Variants in PRELID2 observed in about 807,000 individuals in gnomAD.
PRELID2 encodes PRELI domain containing 2.
A neutral mutation model predicts 28.4 loss-of-function variants in PRELID2; 25 were observed. The observed-to-expected ratio is 0.88, with a 90% CI of 0.64 to 1.23. The LOEUF (loss-of-function observed/expected upper bound fraction) is 1.23. PRELID2 is among the 50% of genes most tolerant of loss of function. The pLI is 0.00. For missense variants in PRELID2, 201 were observed against 214.4 expected, an observed-to-expected ratio of 0.94 and a Z score of 0.39; for synonymous variants, 76 against 71.6, an observed-to-expected ratio of 1.06 and a Z score of -0.31.
chr5:145,796,756 C>G (rs180811479), intron 4 of PRELID2, among the ~76,000 whole-genome samples: 1 of 152,182 alleles, frequency 6.6e-6, no homozygotes, highest in Non-Finnish European at 1.5e-5. Flanking sequence ...AAAGAATATT[C>G]ATTTCATGCT....
chr5:145,742,255 A>T (rs1040986786), intron 1 of PRELID2, among the ~76,000 whole-genome samples: 5 of 141,034 alleles, frequency 3.5e-5, no homozygotes, highest in Non-Finnish European at 3.1e-5. Context: ...ATATAAATAA[A>T]ATATATATTT....
chr5:145,817,998 A>G lies in PRELID2; in HGVS notation c.264T>C (p.Pro88=). Residue 88 remains proline (P), a synonymous_variant, in exon 4 of 7, where the codon CCT becomes CCC. Coordinates refer to ENST00000683046, the MANE Select transcript of PRELID2 (RefSeq NM_205846.3). ...TCCGTATGGCCATGTTTCTTTCCCG[A>G]GGATTGAGCCATGACTCCTCTTCTA... is the stretch of plus-strand genomic sequence containing the variant. The part of the protein sequence containing the change: ...IQLEEESWLN[P]RERNMAIRSH... 1 of 1,612,678 alleles carries G rather than the reference A, an allele frequency of 6.2e-7. No individual in the cohort carries two copies. The highest frequency in any genetic ancestry group is 8.5e-7 in the Non-Finnish European group (1 of 1,179,368).
chr5:145,454,491 T>C, the PRELID2 span, among the ~76,000 whole-genome samples: 2 of 152,194 alleles, frequency 1.3e-5, no homozygotes, highest in South Asian at 4.1e-4. Flanking sequence ...AGTCAAATTG[T>C]ACCTGTTTGC....
At chr5:145,260,364 C>T in the PRELID2 span, among the ~76,000 whole-genome samples, 4 of 152,102 alleles carry the variant, frequency 2.6e-5, no homozygotes, top group Admixed American at 1.3e-4. Context: ...AAAAAATCTA[C>T]AAAGTTGAAG....
At chr5:145,384,145 G>A in the PRELID2 span, among the ~76,000 whole-genome samples, 2 of 152,078 alleles carry the variant, frequency 1.3e-5, no homozygotes, top group Non-Finnish European at 2.9e-5. Flanking sequence ...TAAGCTACAC[G>A]AGACTGACAA....
chr5:145,697,080 T>TTTATATATAC (rs1554084240), intron 1 of PRELID2, among the ~76,000 whole-genome samples: 1 of 85,962 alleles, frequency 1.2e-5, no homozygotes, highest in African/African-American at 5.1e-5. Flanking sequence ...TATATATATA[T>TTTATATATAC]ACACACACAC....
intron 4 of PRELID2, among the ~76,000 whole-genome samples, chr5:145,811,554 G>A (rs1367169320): frequency 1.3e-5 from 2 of 152,128 alleles, no homozygotes; most frequent in African/African-American, 4.8e-5. Flanking sequence ...CAAAGTACGG[G>A]GATCATAGGT....
chr5:145,379,278 G>A, the PRELID2 span, among the ~76,000 whole-genome samples: 1 of 152,206 alleles, frequency 6.6e-6, no homozygotes, highest in African/African-American at 2.4e-5. Flanking sequence ...TCATAGTGCA[G>A]TGACAGTGGA....
chr5:145,656,339 T>A (rs1294063162), intron 1 of PRELID2, among the ~76,000 whole-genome samples: 1 of 152,170 alleles, frequency 6.6e-6, no homozygotes, highest in Non-Finnish European at 1.5e-5. Flanking sequence ...TGGAAGACAG[T>A]GTGGCAATTC....
At chr5:145,653,787 G>C (rs1054457567) in intron 1 of PRELID2, among the ~76,000 whole-genome samples, 3 of 152,188 alleles carry the variant, frequency 2.0e-5, no homozygotes, top group African/African-American at 7.2e-5. Flanking sequence ...ATGCCCACAA[G>C]AGAAAGCAGG....
chr5:145,476,155 T>C (rs1752097950), intron 1 of PRELID2, among the ~76,000 whole-genome samples: 1 of 152,244 alleles, frequency 6.6e-6, no homozygotes, highest in Non-Finnish European at 1.5e-5. Flanking sequence ...GGAATTTTCA[T>C]TTCAAATAAT....
the PRELID2 span, chr5:145,229,139 G>A: frequency 1.6e-5 from 18 of 1,144,978 alleles, 1 homozygote; most frequent in Admixed American, 1.9e-4. Context: ...TCCAGCGGGT[G>A]GGGGCCAAGT....
chr5:145,261,852 G>T, the PRELID2 span, among the ~76,000 whole-genome samples: 2 of 152,140 alleles, frequency 1.3e-5, no homozygotes, highest in Non-Finnish European at 2.9e-5. Context: ...TCTCTGAATT[G>T]CCAGAAAAAT....
chr5:145,485,509 T>A (rs1219322706), intron 1 of PRELID2, among the ~76,000 whole-genome samples: 1 of 152,212 alleles, frequency 6.6e-6, no homozygotes, highest in Non-Finnish European at 1.5e-5. Flanking sequence ...CCTGCTCTGT[T>A]AACCACAAGT....
At chr5:145,729,585 A>G (rs1287763178) in intron 1 of PRELID2, among the ~76,000 whole-genome samples, 1 of 152,026 alleles carries the variant, frequency 6.6e-6, no homozygotes, top group Non-Finnish European at 1.5e-5. Flanking sequence ...GTTTGCTTTC[A>G]CTTTGTCCCA....
chr5:145,385,508 T>A, the PRELID2 span, among the ~76,000 whole-genome samples: 1 of 151,846 alleles, frequency 6.6e-6, no homozygotes, highest in Non-Finnish European at 1.5e-5. Context: ...AACTGACCAC[T>A]CTGTCTGATA....
the PRELID2 span, among the ~76,000 whole-genome samples, chr5:145,420,501 A>C: frequency 6.9e-6 from 1 of 144,660 alleles, no homozygotes; most frequent in South Asian, 2.4e-4. Context: ...GCAATTGGGA[A>C]TGGGAGTTCA....
At chr5:145,324,800 T>G in the PRELID2 span, among the ~76,000 whole-genome samples, 1 of 152,166 alleles carries the variant, frequency 6.6e-6, no homozygotes, top group Non-Finnish European at 1.5e-5. Context: ...ATAAGGAAAC[T>G]TATGCCTAGA....
the PRELID2 span, among the ~76,000 whole-genome samples, chr5:145,245,415 G>C: frequency 1.4e-5 from 2 of 144,458 alleles, no homozygotes; most frequent in East Asian, 4.2e-4. Context: ...GAAAGAGAAA[G>C]AGAGAGAGAG....
Sources: gnomAD v4.1 joint callset for allele counts (sites outside exome capture counted in the v4.1 genomes callset) on GRCh38, gnomAD v4.1.1 for gene constraint, MANE v1.5 for transcripts, NCBI Gene and HGNC (gene_info 2026-07-23, HGNC 2026-07-21) for gene names.